The following C1orf94 variants were observed in gnomAD, a reference collection of about 807,000 sequenced individuals.
C1orf94 encodes chromosome 1 open reading frame 94.
A neutral mutation model predicts 53.6 loss-of-function variants in C1orf94; 45 were observed. The observed-to-expected ratio is 0.84, with a 90% CI of 0.66 to 1.08. The LOEUF (loss-of-function observed/expected upper bound fraction) is 1.08, where lower values mean the gene tolerates loss of function less well. C1orf94 is among the 50% of genes least tolerant of loss of function. The pLI, the probability that C1orf94 is intolerant of heterozygous loss-of-function variation, is 0.00. For synonymous variants in C1orf94, 304 were observed against 296.1 expected (o/e 1.03, Z -0.27); for missense variants, 762 against 738.9 (o/e 1.03, Z -0.36).
At chr1:34,204,018 T>C (rs1457840851) in intron 4 of C1orf94, among the ~76,000 whole-genome samples, 1 of 152,172 alleles carries the variant, frequency 6.6e-6, no homozygotes, top group Non-Finnish European at 1.5e-5. Flanking sequence ...GGGCAGGAAC[T>C]CAAATTTGTG....
chr1:34,194,728 G>A (rs997099398), intron 1 of C1orf94, among the ~76,000 whole-genome samples: 7 of 152,100 alleles, frequency 4.6e-5, no homozygotes, highest in East Asian at 3.9e-4. Context: ...AGTATGTATC[G>A]CTAAGAGATA....
intron 1 of C1orf94, among the ~76,000 whole-genome samples, chr1:34,179,028 T>C (rs550908661): frequency 3.9e-5 from 6 of 152,362 alleles, no homozygotes; most frequent in African/African-American, 1.2e-4. Flanking sequence ...CTCCAACACA[T>C]GCTACAGCTC....
At chr1:34,202,353 T>A in intron 4 of C1orf94, 94 bp downstream of exon 4, 1 of 1,361,710 alleles carries the variant, frequency 7.3e-7, no homozygotes, top group Non-Finnish European at 1.0e-6. Flanking sequence ...CACAGAGTCT[T>A]TAGACTCCTC....
intron 1 of C1orf94, among the ~76,000 whole-genome samples, chr1:34,189,326 T>C (rs538343169): frequency 1.3e-5 from 2 of 151,242 alleles, no homozygotes; most frequent in African/African-American, 4.9e-5. Flanking sequence ...GTATGGTGCA[T>C]GGGTGTATAT....
In C1orf94 at chr1:34,202,490, G is replaced by A. The variant is rs961251972; in HGVS notation, c.1446+231G>A. 1.4e-4 allele frequency among the ~76,000 whole-genome samples: 21 copies of A among 152,218 alleles called. No individual in the cohort carries two copies. The South Asian group carries it at 1.7e-3, about 12-fold the overall frequency. On this transcript the variant is annotated intron_variant, in intron 4 of 6. Coordinates refer to ENST00000488417, the MANE Select transcript of C1orf94 (RefSeq NM_001134734.2). Reference sequence around the variant, plus strand: ...TCTACCCCTTGGTTCATGTGCATGCGTGCGCACACCTCCACACACACACAC... The same window carrying A: ...TCTACCCCTTGGTTCATGTGCATGCATGCGCACACCTCCACACACACACAC...
At chr1:34,209,666 C>G (rs1040869192) in intron 5 of C1orf94, among the ~76,000 whole-genome samples, 2 of 152,126 alleles carry the variant, frequency 1.3e-5, no homozygotes, top group Admixed American at 1.3e-4. Context: ...TAGGGAAGAG[C>G]CTGCAGGGGT....
chr1:34,193,533 G>A (rs533919541), intron 1 of C1orf94, among the ~76,000 whole-genome samples: 1 of 152,308 alleles, frequency 6.6e-6, no homozygotes, highest in South Asian at 2.1e-4. Flanking sequence ...GACCTTGCTG[G>A]ATAACAATCT....
chr1:34,189,601 C>T (rs1642449375), intron 1 of C1orf94, among the ~76,000 whole-genome samples: 1 of 150,978 alleles, frequency 6.6e-6, no homozygotes, highest in Non-Finnish European at 1.5e-5. Flanking sequence ...CAGAAGTGCC[C>T]ACCGGCCTTG....
At chr1:34,200,038 C>T (rs1571345217) in intron 2 of C1orf94, among the ~76,000 whole-genome samples, 1 of 152,222 alleles carries the variant, frequency 6.6e-6, no homozygotes, top group Admixed American at 6.5e-5. Context: ...GGGCATGTCT[C>T]TCTTTTTTTC....
intron 6 of C1orf94, among the ~76,000 whole-genome samples, chr1:34,215,741 C>T (rs1642976606): frequency 6.6e-6 from 1 of 152,204 alleles, no homozygotes; most frequent in African/African-American, 2.4e-5. Flanking sequence ...CACAGTGGCT[C>T]ACGCCTGTAA....
chr1:34,169,709 G>A (rs1642114640), intron 1 of C1orf94, among the ~76,000 whole-genome samples: 1 of 151,998 alleles, frequency 6.6e-6, no homozygotes, highest in African/African-American at 2.4e-5. Context: ...GCAGAGAAGG[G>A]CTACAGGACA....
intron 4 of C1orf94, among the ~76,000 whole-genome samples, chr1:34,206,302 G>A (rs1248549451): frequency 1.3e-5 from 2 of 152,364 alleles, no homozygotes; most frequent in Non-Finnish European, 2.9e-5. Flanking sequence ...GCATTCTGGA[G>A]ACTGCTCAGT....
At chr1:34,193,597 C>T (rs1231455936) in intron 1 of C1orf94, among the ~76,000 whole-genome samples, 2 of 152,278 alleles carry the variant, frequency 1.3e-5, no homozygotes, top group African/African-American at 2.4e-5. Context: ...GGCAGCTGGA[C>T]CCAGCCAAGT....
Position 34,178,103 on chromosome 1 carries a change from A to T in C1orf94, c.314A>T (p.Gln105Leu). 6.4e-7 allele frequency: 1 copy of T among 1,551,188 alleles called. No homozygotes were observed. The highest frequency in any genetic ancestry group is 8.7e-7 in the Non-Finnish European group (1 of 1,146,638). ...GTLRGNELSF[Q>L]EEALELSSGK... ...CTAAGAGGCAATGAGCTCAGCTTTCAAGAAGAGTAAGTACCCCCCTACTCC... is the reference window on the plus strand; with the variant it reads ...CTAAGAGGCAATGAGCTCAGCTTTCTAGAAGAGTAAGTACCCCCCTACTCC... Residue 105 changes from glutamine to leucine, a missense_variant, in exon 1 of 7, where the codon CAA (glutamine) becomes CTA (leucine). Physicochemically the swap from Gln to Leu is moderately radical, Grantham distance 113. Transcript: ENST00000488417.
At position 34,212,284 on chromosome 1, in the gene C1orf94, C is replaced by A. The variant is rs768417709; in HGVS notation, c.1599C>A (p.Ile533=). 3.7e-6 allele frequency: 6 copies of A among 1,614,018 alleles called. No homozygotes were observed. The highest frequency in any genetic ancestry group is 5.1e-6 in the Non-Finnish European group (6 of 1,179,994). ...CCTACACCCCTCTGCTGAGCTACAT[C>A]CCTTTTGTCCAGCCCAATTATCCCT... The part of the protein sequence containing the change: ...RSSYTPLLSY[I]PFVQPNYPYP... Residue 533 remains isoleucine, a synonymous_variant, in exon 6 of 7, where the codon ATC becomes ATA. Coordinates refer to ENST00000488417, the MANE Select transcript of C1orf94 (RefSeq NM_001134734.2).
intron 6 of C1orf94, among the ~76,000 whole-genome samples, chr1:34,217,420 A>C (rs1048142019): frequency 6.6e-6 from 1 of 152,162 alleles, no homozygotes; most frequent in African/African-American, 2.4e-5. Context: ...TTTATTTTGT[A>C]AGTCAGAGTG....
In C1orf94 at chr1:34,202,143, A is replaced by G; in HGVS notation, c.1330A>G (p.Thr444Ala). 1.9e-6 allele frequency: 3 copies of G among 1,613,918 alleles called. No homozygotes were observed. The highest frequency in any genetic ancestry group is 1.1e-5 in the South Asian group (1 of 91,068). The change falls in exon 4 of 7, where the codon ACT (threonine) becomes GCT (alanine). Residue 444 changes from threonine (T) to alanine (A), a missense_variant. Thr to Ala is a moderately conservative substitution (Grantham distance 58). Transcript: ENST00000488417. ...NNPKYTGNVF[T>A]PHFPTAMTSA... is the part of the protein sequence containing the mutation. ...CCCGAAGTACACAGGGAATGTTTTC[A>G]CTCCACACTTTCCTACAGCCATGAC...
chr1:34,171,819 G>A (rs1476998003), intron 1 of C1orf94, among the ~76,000 whole-genome samples: 3 of 152,140 alleles, frequency 2.0e-5, no homozygotes, highest in Non-Finnish European at 4.4e-5. Flanking sequence ...TCTGCCACCC[G>A]ACGTGTTTCC....
At chr1:34,202,835 C>T (rs1642734014) in intron 4 of C1orf94, among the ~76,000 whole-genome samples, 2 of 152,198 alleles carry the variant, frequency 1.3e-5, no homozygotes, top group Admixed American at 1.3e-4. Context: ...TCCAAATCCA[C>T]AGATTCAACC....
Sources: allele counts gnomAD v4.1 joint callset (sites outside exome capture counted in the v4.1 genomes callset), GRCh38; gene constraint gnomAD v4.1.1; transcripts MANE v1.5; gene names NCBI Gene and HGNC (gene_info 2026-07-23, HGNC 2026-07-21).